Variants in VPS37B observed in about 807,000 individuals in gnomAD.
VPS37B encodes the protein vacuolar protein sorting-associated protein 37B.
VPS37B carries 11 observed loss-of-function variants against 21.2 expected under a neutral mutation model. The ratio of observed to expected loss-of-function variants is 0.52; its 90% CI spans 0.33 to 0.86. The LOEUF (loss-of-function observed/expected upper bound fraction) is 0.86. VPS37B is among the 40% of genes least tolerant of loss of function. VPS37B has a pLI of 0.03. For missense variants in VPS37B, 389 were observed against 374.8 expected (o/e 1.04, Z -0.31); for synonymous variants, 175 against 159.6 (o/e 1.10, Z -0.73).
chr12:122,896,037 C>A lies in VPS37B; in HGVS notation c.26G>T (p.Arg9Leu), dbSNP rs1231849782. The change falls in exon 1 of 4, where the codon CGG (arginine) becomes CTG (leucine). Residue 9 changes from arginine (R) to leucine (L), a missense_variant. By Grantham distance (102) the Arg-to-Leu change is moderately radical (BLOSUM62 -2). Transcript: ENST00000267202. ...CTGCACCAGCGACAGCCCGGCGAAC[C>A]GGGCTTCGCTCCCGGCGCCCGCCAT... Reference protein sequence around the residue: MAGAGSEARFAGLSLVQLN... With the variant: MAGAGSEALFAGLSLVQLN... 1 of 1,587,968 alleles carries A rather than the reference C, an allele frequency of 6.3e-7. No homozygotes were observed. The highest frequency in any genetic ancestry group is 1.7e-5 in the Admixed American group (1 of 58,164).
intron 1 of VPS37B, chr12:122,872,813 A>G: frequency 2.0e-6 from 1 of 507,438 alleles, no homozygotes; most frequent in African/African-American, 2.1e-5. Flanking sequence ...TATATTCAAC[A>G]AAAACCTGCT....
intron 1 of VPS37B, chr12:122,873,214 G>T (rs1190228145): frequency 6.6e-6 from 1 of 152,186 alleles, no homozygotes; most frequent in African/African-American, 2.4e-5. Flanking sequence ...AGAGTGCGTT[G>T]AATTTCACCA....
At chr12:122,871,340 G>A (rs750008744) in intron 1 of VPS37B, 24 of 1,151,836 alleles carry the variant, frequency 2.1e-5, no homozygotes, top group South Asian at 7.2e-5. Context: ...TCCCTGCCAC[G>A]GCTGCGCTGT....
At chr12:122,876,688 G>A (rs1317947019) in intron 1 of VPS37B, 4 of 151,714 alleles carry the variant, frequency 2.6e-5, no homozygotes, top group Non-Finnish European at 5.9e-5. Flanking sequence ...CTTCAGCCTG[G>A]GCAACAGAGT....
rs979986622 is a variant in VPS37B at position 122,868,407 on chromosome 12, G to A, written c.366+73C>T. On this transcript the variant is annotated intron_variant, in intron 3 of 3. Coordinates refer to ENST00000267202, the MANE Select transcript of VPS37B (RefSeq NM_024667.3). This position sits in a 1 kb window ranked among gnomAD's most constrained non-coding sequence, Gnocchi z 5.5. ...CTGGCCGTGGCGGTGTGGCACTCAC[G>A]GTCCCTGGAGGCAGCGGGCCCACGG... 1.5e-5 allele frequency: 21 copies of A among 1,403,974 alleles called. No homozygotes were observed. Among genetic ancestry groups the A allele is most frequent in the South Asian group, 4.8e-5 (4 of 82,834 alleles). The allele number at this position is 1,403,974 out of a possible 1,614,324, so 87.0% of individuals were successfully genotyped here.
intron 1 of VPS37B, among the ~76,000 whole-genome samples, chr12:122,894,236 A>T (rs1344603045): frequency 2.6e-5 from 4 of 152,236 alleles, no homozygotes; most frequent in African/African-American, 9.6e-5. Context: ...GCTAAGAAGG[A>T]TGGATTTTAT....
chr12:122,893,270 C>T (rs1187436709), intron 1 of VPS37B, among the ~76,000 whole-genome samples: 1 of 152,110 alleles, frequency 6.6e-6, no homozygotes, highest in East Asian at 1.9e-4. Context: ...GTGTTAAGTA[C>T]TAATAGGCAT....
chr12:122,873,586 T>A (rs559249321), intron 1 of VPS37B: 1 of 152,142 alleles, frequency 6.6e-6, no homozygotes, highest in South Asian at 2.1e-4. Flanking sequence ...TCAAATAAAC[T>A]GAGTCAAGCA....
At chr12:122,881,067 G>A (rs1027731650) in intron 1 of VPS37B, 5 of 152,248 alleles carry the variant, frequency 3.3e-5, no homozygotes, top group African/African-American at 1.2e-4. Context: ...AACGGTTTAA[G>A]TAAGACAAGT....
At chr12:122,883,267 T>C (rs957356444) in intron 1 of VPS37B, 1 of 152,210 alleles carries the variant, frequency 6.6e-6, no homozygotes, top group Non-Finnish European at 1.5e-5. Context: ...GAACAGACAG[T>C]GAGATCTAGA....
chr12:122,867,441 G>T lies in VPS37B; in HGVS notation c.533C>A (p.Pro178His). Residue 178 changes from proline to histidine, a missense_variant, in exon 4 of 4, where the codon CCC becomes CAC. By Grantham distance (77) the Pro-to-His change is moderately conservative (BLOSUM62 -2). Coordinates refer to ENST00000267202, the MANE Select transcript of VPS37B (RefSeq NM_024667.3). The surrounding 1 kb of genome is among the most constrained non-coding windows in gnomAD (Gnocchi z 5.5). ...GGTAGGTGCCAGTTCGGGCAGCCTG[G>T]GGGGCAGCGGGGCCAGGGCCTGTGG... ...RLPQALAPLP[P>H]RLPELAPTAP... The T allele has an allele frequency of 6.2e-7, 1 of 1,612,908 alleles. No individual in the cohort carries two copies. Among genetic ancestry groups the T allele is most frequent in the Non-Finnish European group, 8.5e-7 (1 of 1,179,748 alleles).
rs1167342221 is a variant in VPS37B at position 122,867,733 on chromosome 12, G to A, written c.367-126C>T. Reference sequence around the variant, plus strand: ...ACTGCCCCCTCCCTGTAACCACCCAGAGGGCCTCGCTCCTGCTCCAGATCC... The same window carrying A: ...ACTGCCCCCTCCCTGTAACCACCCAAAGGGCCTCGCTCCTGCTCCAGATCC... On this transcript the variant is annotated intron_variant, in intron 3 of 3. Coordinates refer to ENST00000267202, the MANE Select transcript of VPS37B (RefSeq NM_024667.3). This position sits in a 1 kb window ranked among gnomAD's most constrained non-coding sequence, Gnocchi z 5.5. 5.8e-5 allele frequency: 75 copies of A among 1,287,614 alleles called. No homozygotes were observed. Among genetic ancestry groups the A allele is most frequent in the Non-Finnish European group, 7.6e-5 (70 of 922,632 alleles). 79.8% of individuals were successfully genotyped at this position (1,287,614 alleles called of 1,614,324 possible). A position where few individuals can be genotyped will look rare whatever the true frequency, so the allele number is the denominator to read the frequency against.
At chr12:122,874,442 T>G (rs1027432356) in intron 1 of VPS37B, 3 of 152,202 alleles carry the variant, frequency 2.0e-5, no homozygotes, top group Admixed American at 6.5e-5. Context: ...TACAAATGCA[T>G]CTACAAACAA....
At chr12:122,877,146 ATACT>A (rs2034165116) in intron 1 of VPS37B, 2 of 152,214 alleles carry the variant, frequency 1.3e-5, no homozygotes, top group African/African-American at 4.8e-5. Flanking sequence ...CTGTAATATA[ATACT>A]TACAACAACT....
Position 122,866,881 on chromosome 12 carries a change from T to C in VPS37B, c.*235A>G. 2.2e-6 allele frequency: 1 copy of C among 451,140 alleles called. No individual in the cohort carries two copies. Among genetic ancestry groups the C allele is most frequent in the Non-Finnish European group, 3.8e-6 (1 of 261,118 alleles). The allele number at this position is 451,140 out of a possible 1,614,324, so 27.9% of individuals were successfully genotyped here. ...AGATACTTAGAAATCACACGGATAA[T>C]GCAAACCGATGCAACGCACAGGTGT... On this transcript the variant is annotated 3_prime_UTR_variant, in exon 4 of 4. Transcript: ENST00000267202.
At position 122,866,604 on chromosome 12, in the gene VPS37B, A is replaced by G. The variant is rs985996695; in HGVS notation, c.*512T>C. 6.5e-6 allele frequency: 1 copy of G among 152,720 alleles called. No individual in the cohort carries two copies. The highest frequency in any genetic ancestry group is 6.5e-5 in the Admixed American group (1 of 15,284). 9.5% of individuals were successfully genotyped at this position (152,720 alleles called of 1,614,324 possible). On this transcript the variant is annotated 3_prime_UTR_variant, in exon 4 of 4. Coordinates refer to ENST00000267202, the MANE Select transcript of VPS37B (RefSeq NM_024667.3). Reference sequence around the variant, plus strand: ...CGGTGACTATGGTGACCTCTCCCCAACAGATTCAGTGAGCAACAACGCAGC... The same window carrying G: ...CGGTGACTATGGTGACCTCTCCCCAGCAGATTCAGTGAGCAACAACGCAGC...
At chr12:122,877,000 G>C (rs1238123630) in intron 1 of VPS37B, 6 of 152,140 alleles carry the variant, frequency 3.9e-5, no homozygotes, top group Non-Finnish European at 8.8e-5. Context: ...ATTCCAGCTG[G>C]CCAGTGTCTA....
intron 1 of VPS37B, chr12:122,878,369 A>G (rs1205146644): frequency 3.3e-5 from 5 of 151,822 alleles, no homozygotes; most frequent in Non-Finnish European, 7.3e-5. Flanking sequence ...AAAAAAAAAA[A>G]AAAAAGAAAA....
chr12:122,894,420 T>C (rs750147235), intron 1 of VPS37B, among the ~76,000 whole-genome samples: 1 of 152,204 alleles, frequency 6.6e-6, no homozygotes, highest in Non-Finnish European at 1.5e-5. Context: ...CTCCGGACAA[T>C]GATCTGTTGA....
Sources: gnomAD v4.1 joint callset for allele counts (sites outside exome capture counted in the v4.1 genomes callset) on GRCh38, gnomAD v4.1.1 for gene constraint, Gnocchi (gnomAD v3.1) non-coding constraint, MANE v1.5 for transcripts, NCBI Gene and HGNC (gene_info 2026-07-23, HGNC 2026-07-21) for gene names.